FARP1: variants seen among roughly 807,000 people sequenced by gnomAD.
FARP1 encodes the protein FERM, ARHGEF and pleckstrin domain-containing protein 1.
A neutral mutation model predicts 128.8 loss-of-function variants in FARP1; 52 were observed. The ratio of observed to expected loss-of-function variants is 0.40; its 90% CI spans 0.32 to 0.51. The LOEUF (loss-of-function observed/expected upper bound fraction) is 0.51. FARP1 is among the 20% of genes least tolerant of loss of function. FARP1 has a pLI of 0.45. For synonymous variants in FARP1, 580 were observed against 551.8 expected (o/e 1.05, Z -0.72); for missense variants, 1,333 against 1,367.9 (o/e 0.97, Z 0.40).
At chr13:98,153,709 G>A (rs1358302508) in intron 1 of FARP1, among the ~76,000 whole-genome samples, 3 of 151,360 alleles carry the variant, frequency 2.0e-5, no homozygotes, top group African/African-American at 7.3e-5. Flanking sequence ...GATTACAGGT[G>A]CCTGTCACCA....
chr13:98,304,381 G>C (rs891212802), intron 2 of FARP1, among the ~76,000 whole-genome samples: 1 of 152,204 alleles, frequency 6.6e-6, no homozygotes, highest in African/African-American at 2.4e-5. Flanking sequence ...ATGGTTTATA[G>C]ATTATCAAGG....
Position 98,295,046 on chromosome 13 carries a change from TACACACACACACACACACACACACACAC to T in FARP1, c.172-48684_172-48657del, listed in dbSNP as rs746373395. 5.1e-3 allele frequency among the ~76,000 whole-genome samples: 548 copies of T among 108,386 alleles called. 7 individuals carry two copies. The highest frequency in any genetic ancestry group is 0.018 in the African/African-American group (508 of 27,780). The allele number at this position is 108,386 out of a possible 152,430, so 71.1% of individuals were successfully genotyped here. A position where few individuals can be genotyped will look rare whatever the true frequency, so the allele number is the denominator to read the frequency against. On this transcript the variant is annotated intron_variant, in intron 2 of 26. Transcript: ENST00000319562. ...AAAAAAAAATTATATATATATATAT[TACACACACACACACACACACACACACAC>T]ACACACACACACACACACACACACA...
At chr13:98,328,845 G>T (rs1887347720) in intron 2 of FARP1, 1 of 152,212 alleles carries the variant, frequency 6.6e-6, no homozygotes, top group Non-Finnish European at 1.5e-5. Flanking sequence ...GGACAGAGAG[G>T]ACGGCGAGAG....
intron 2 of FARP1, among the ~76,000 whole-genome samples, chr13:98,312,814 C>T (rs577235643): frequency 1.1e-4 from 17 of 152,234 alleles, no homozygotes; most frequent in African/African-American, 3.6e-4. Flanking sequence ...GTGCACAGGG[C>T]GCTCTGCCTT....
intron 5 of FARP1, among the ~76,000 whole-genome samples, chr13:98,374,667 C>G (rs1194611848): frequency 2.0e-5 from 3 of 152,130 alleles, no homozygotes; most frequent in Non-Finnish European, 4.4e-5. Flanking sequence ...TTTTCCAAAA[C>G]TGGAAGTCAT....
intron 6 of FARP1, among the ~76,000 whole-genome samples, chr13:98,380,353 G>C (rs1483476505): frequency 6.6e-6 from 1 of 151,598 alleles, no homozygotes; most frequent in Non-Finnish European, 1.5e-5. Flanking sequence ...GGGAGGCTGA[G>C]CCAGGAGAAT....
In FARP1 at chr13:98,174,953, T is replaced by A. The variant is rs937061307; in HGVS notation, c.-24+31461T>A. On this transcript the variant is annotated intron_variant, in intron 1 of 26. Coordinates refer to ENST00000319562, the MANE Select transcript of FARP1 (RefSeq NM_005766.4). ...CCTCAACCACGGCTCTGCTTTTGTCTGCAACCTGGCCATGGTGGTGGGTGG... is the reference window on the plus strand; with the variant it reads ...CCTCAACCACGGCTCTGCTTTTGTCAGCAACCTGGCCATGGTGGTGGGTGG... Among the ~76,000 whole-genome samples the A allele has an allele frequency of 1.9e-4, 29 of 152,168 alleles. 2 individuals carry two copies. Among genetic ancestry groups the A allele is most frequent in the Admixed American group, 1.6e-3 (25 of 15,278 alleles).
rs1013252421 is a variant in FARP1 at position 98,384,853 on chromosome 13, C to T, written c.611+9C>T. 7 of 1,551,620 alleles carry T rather than the reference C, an allele frequency of 4.5e-6. No individual in the cohort carries two copies. In the African/African-American group the frequency reaches 8.1e-5, roughly 18 times the overall value. On this transcript the variant is annotated intron_variant, in intron 7 of 26. Transcript: ENST00000319562. Reference sequence around the variant, plus strand: ...TTTCACCATAACCACATGTAAGTCTCATTCTTGGCTTCATATTCCCTCTGA... The same window carrying T: ...TTTCACCATAACCACATGTAAGTCTTATTCTTGGCTTCATATTCCCTCTGA...
chr13:98,178,749 T>C (rs1269283941), intron 1 of FARP1, among the ~76,000 whole-genome samples: 2 of 152,202 alleles, frequency 1.3e-5, no homozygotes, highest in Non-Finnish European at 2.9e-5. Context: ...TCTCTCTTCC[T>C]AGACACCAAG....
intron 2 of FARP1, among the ~76,000 whole-genome samples, chr13:98,259,915 G>GTGTA (rs1397672277): frequency 1.7e-4 from 26 of 151,596 alleles, no homozygotes; most frequent in African/African-American, 6.1e-4. Flanking sequence ...GTGTGTGTGT[G>GTGTA]TGTGTATTGA....
intron 2 of FARP1, among the ~76,000 whole-genome samples, chr13:98,255,737 T>C (rs1448694252): frequency 6.6e-6 from 1 of 152,240 alleles, no homozygotes; most frequent in Non-Finnish European, 1.5e-5. Flanking sequence ...ACCTTCAACT[T>C]TCTTAATAAA....
At chr13:98,366,392 T>C (rs1323555684) in intron 4 of FARP1, among the ~76,000 whole-genome samples, 1 of 152,226 alleles carries the variant, frequency 6.6e-6, no homozygotes, top group Non-Finnish European at 1.5e-5. Context: ...CATCATTTAA[T>C]ATTTGCTGGG....
At chr13:98,153,465 T>C (rs1876215243) in intron 1 of FARP1, among the ~76,000 whole-genome samples, 4 of 140,848 alleles carry the variant, frequency 2.8e-5, no homozygotes. Flanking sequence ...ATACATTATA[T>C]ATAAATATGT....
chr13:98,308,773 A>G (rs1281784854), intron 2 of FARP1, among the ~76,000 whole-genome samples: 5 of 151,930 alleles, frequency 3.3e-5, no homozygotes, highest in Non-Finnish European at 1.5e-5. Context: ...GGTTCAAGTG[A>G]TCCTCCCGCT....
intron 1 of FARP1, among the ~76,000 whole-genome samples, chr13:98,154,870 T>C (rs1383593479): frequency 6.6e-6 from 1 of 152,146 alleles, no homozygotes; most frequent in Non-Finnish European, 1.5e-5. Context: ...GTGAGGACTT[T>C]GGAAATGGCT....
rs1248367615 is a variant in FARP1 at position 98,452,137 on chromosome 13, A to G, written c.*3820A>G. 2.0e-5 allele frequency: 3 copies of G among 152,242 alleles called. No individual in the cohort carries two copies. Among genetic ancestry groups the G allele is most frequent in the Admixed American group, 6.5e-5 (1 of 15,288 alleles). 9.4% of individuals were successfully genotyped at this position (152,242 alleles called of 1,614,324 possible). On this transcript the variant is annotated 3_prime_UTR_variant, in exon 27 of 27. Coordinates refer to ENST00000319562, the MANE Select transcript of FARP1 (RefSeq NM_005766.4). ...CAGGTGCCCTGTCCTCTGAAGAGTC[A>G]CATTTCAAGGAGTATGCAAAATAAG... is the stretch of plus-strand genomic sequence containing the variant.
At chr13:98,370,370 G>A (rs1422712224) in intron 5 of FARP1, among the ~76,000 whole-genome samples, 2 of 152,172 alleles carry the variant, frequency 1.3e-5, no homozygotes, top group Admixed American at 6.5e-5. Flanking sequence ...GGATGTTAGG[G>A]GGAGAAGGAG....
At chr13:98,285,262 C>T (rs1885112417) in intron 2 of FARP1, among the ~76,000 whole-genome samples, 1 of 152,058 alleles carries the variant, frequency 6.6e-6, no homozygotes, top group Admixed American at 6.5e-5. Context: ...TCCCTCCCCA[C>T]CCCCCATAAC....
At chr13:98,285,641 G>A (rs531134713) in intron 2 of FARP1, among the ~76,000 whole-genome samples, 2 of 151,270 alleles carry the variant, frequency 1.3e-5, no homozygotes, top group East Asian at 2.0e-4. Context: ...TTTGTTTTGC[G>A]TATTTGGTCT....
Sources: gnomAD v4.1 joint callset for allele counts (sites outside exome capture counted in the v4.1 genomes callset) on GRCh38, gnomAD v4.1.1 for gene constraint, MANE v1.5 for transcripts, NCBI Gene and HGNC (gene_info 2026-07-23, HGNC 2026-07-21) for gene names.